Variants in NPSR1 observed in about 807,000 individuals in gnomAD.
The protein encoded by NPSR1 is neuropeptide S receptor.
A neutral mutation model predicts 46.9 loss-of-function variants in NPSR1; 48 were observed. That is an observed-to-expected ratio of 1.02 (90% confidence interval 0.81 to 1.30). NPSR1 has a LOEUF of 1.30. Among genes scored for constraint, NPSR1 ranks in the 50% most tolerant of loss-of-function variants. The pLI is 0.00. For missense variants in NPSR1, 450 were observed against 449.5 expected (o/e 1.00, Z -0.01); for synonymous variants, 176 against 168.1 (o/e 1.05, Z -0.36).
intron 2 of NPSR1, among the ~76,000 whole-genome samples, chr7:34,760,692 CT>C (rs1786128030): frequency 6.6e-6 from 1 of 152,144 alleles, no homozygotes; most frequent in African/African-American, 2.4e-5. Flanking sequence ...TTTGTGCTTC[CT>C]AGTTAGTGGC....
chr7:34,861,655 G>A (rs568122616), intron 8 of NPSR1, among the ~76,000 whole-genome samples: 5 of 151,696 alleles, frequency 3.3e-5, no homozygotes, highest in Non-Finnish European at 5.9e-5. Context: ...CTTAATGAAC[G>A]CACAGGTAAT....
At chr7:34,824,120 T>A (rs920861834) in intron 4 of NPSR1, among the ~76,000 whole-genome samples, 1 of 152,258 alleles carries the variant, frequency 6.6e-6, no homozygotes, top group Non-Finnish European at 1.5e-5. Flanking sequence ...TCTAAATGTG[T>A]AATCTATGTA....
chr7:34,864,318 C>A (rs1301736050), intron 8 of NPSR1, among the ~76,000 whole-genome samples: 2 of 150,426 alleles, frequency 1.3e-5, no homozygotes, highest in Non-Finnish European at 2.9e-5. Flanking sequence ...ACGTGTATAC[C>A]TATGTAACAA....
At chr7:34,665,505 C>A (rs1002405816) in intron 1 of NPSR1, among the ~76,000 whole-genome samples, 3 of 152,186 alleles carry the variant, frequency 2.0e-5, no homozygotes, top group African/African-American at 7.2e-5. Context: ...TGGCCTTTCA[C>A]ATTCTGACCC....
intron 2 of NPSR1, among the ~76,000 whole-genome samples, chr7:34,714,875 G>A (rs924614280): frequency 3.9e-5 from 6 of 152,214 alleles, no homozygotes; most frequent in South Asian, 2.1e-4. Flanking sequence ...AAGACCACAA[G>A]CATATCTATA....
intron 3 of NPSR1, 101 bp downstream of exon 3, chr7:34,778,666 C>G: frequency 1.4e-6 from 1 of 690,734 alleles, no homozygotes; most frequent in Non-Finnish European, 2.5e-6. Context: ...TCCTATGCAT[C>G]AAACTGCCCG....
intron 2 of NPSR1, among the ~76,000 whole-genome samples, chr7:34,733,204 G>A (rs553551101): frequency 3.9e-5 from 6 of 152,194 alleles, no homozygotes; most frequent in South Asian, 2.1e-4. Context: ...GGTGGATCAC[G>A]AGGTCAGGAG....
intron 2 of NPSR1, among the ~76,000 whole-genome samples, chr7:34,698,098 TG>T (rs1793625505): frequency 6.6e-6 from 1 of 152,124 alleles, no homozygotes; most frequent in Non-Finnish European, 1.5e-5. Flanking sequence ...CAGCTACATA[TG>T]TGTATCAAAA....
At chr7:34,738,693 A>G (rs1784798603) in intron 2 of NPSR1, among the ~76,000 whole-genome samples, 1 of 151,996 alleles carries the variant, frequency 6.6e-6, no homozygotes, top group Non-Finnish European at 1.5e-5. Flanking sequence ...TCTGATTTAA[A>G]TTGATTTATA....
At chr7:34,720,138 G>A (rs575844111) in intron 2 of NPSR1, among the ~76,000 whole-genome samples, 13 of 152,202 alleles carry the variant, frequency 8.5e-5, no homozygotes, top group African/African-American at 2.4e-4. Context: ...AAATTAGCCA[G>A]GTGTAGTGGT....
chr7:34,770,990 C>T (rs570370430), intron 2 of NPSR1, among the ~76,000 whole-genome samples: 2 of 152,324 alleles, frequency 1.3e-5, no homozygotes, highest in East Asian at 3.9e-4. Flanking sequence ...AACCTAAATG[C>T]TTCCCATTAG....
intron 1 of NPSR1, among the ~76,000 whole-genome samples, chr7:34,674,839 T>G (rs537124388): frequency 6.6e-6 from 1 of 152,248 alleles, no homozygotes; most frequent in South Asian, 2.1e-4. Context: ...GACCTTATGC[T>G]CAGTCCTGAG....
intron 1 of NPSR1, 59 bp from the exon 2 acceptor site, chr7:34,684,493 C>T: frequency 1.3e-6 from 2 of 1,564,578 alleles, no homozygotes; most frequent in East Asian, 2.3e-5. Flanking sequence ...GGCAGGCATT[C>T]TGTAAAGAAC....
intron 1 of NPSR1, among the ~76,000 whole-genome samples, chr7:34,667,356 G>A (rs1791803287): frequency 6.6e-6 from 1 of 152,186 alleles, no homozygotes; most frequent in African/African-American, 2.4e-5. Context: ...AGAAAGGGGG[G>A]TAGTCATGGA....
intron 8 of NPSR1, among the ~76,000 whole-genome samples, chr7:34,868,500 G>T (rs1791372307): frequency 6.6e-6 from 1 of 151,744 alleles, no homozygotes; most frequent in Non-Finnish European, 1.5e-5. Flanking sequence ...ACACAGAGCT[G>T]CACTCAACAT....
chr7:34,750,996 T>C (rs961431900), intron 2 of NPSR1: 3 of 769,262 alleles, frequency 3.9e-6, no homozygotes, highest in East Asian at 2.5e-5. Context: ...GAAGAGCTCA[T>C]TGAAGAACTT....
chr7:34,850,680 A>G (rs990688456), downstream of NPSR1, among the ~76,000 whole-genome samples: 9 of 151,986 alleles, frequency 5.9e-5, no homozygotes, highest in African/African-American at 1.4e-4. Context: ...GATTACAGGC[A>G]TGAGCCACCG....
chr7:34,682,975 G>T (rs1792723356), intron 1 of NPSR1, among the ~76,000 whole-genome samples: 1 of 152,014 alleles, frequency 6.6e-6, no homozygotes, highest in Non-Finnish European at 1.5e-5. Flanking sequence ...CACTCTAGTT[G>T]TACAGCCCTC....
intron 2 of NPSR1, among the ~76,000 whole-genome samples, chr7:34,741,491 C>T (rs28783673): frequency 0.29 from 44,589 of 152,082 alleles, 7,219 homozygotes; most frequent in East Asian, 0.44. Context: ...CTGTTATCAC[C>T]TGCTCCAAGC....
Sources: gnomAD v4.1 joint callset for allele counts (sites outside exome capture counted in the v4.1 genomes callset) on GRCh38, gnomAD v4.1.1 for gene constraint, MANE v1.5 for transcripts, NCBI Gene and HGNC (gene_info 2026-07-23, HGNC 2026-07-21) for gene names.